Variants in HMG20A observed in about 807,000 individuals in gnomAD.
The protein encoded by HMG20A is high mobility group 20A.
In HMG20A, 17 loss-of-function variants were observed where a neutral mutation model predicts 43.9. The ratio of observed to expected loss-of-function variants is 0.39; its 90% CI spans 0.27 to 0.58. HMG20A has a LOEUF of 0.58. Ranked by LOEUF, HMG20A falls within the 20% of genes least tolerant of loss-of-function variation. The pLI is 0.59. For synonymous variants in HMG20A, 132 were observed against 147.5 expected (o/e 0.89, Z 0.76); for missense variants, 341 against 438.2 (o/e 0.78, Z 1.98).
the HMG20A span, among the ~76,000 whole-genome samples, chr15:77,493,840 G>T: frequency 6.6e-6 from 1 of 152,176 alleles, no homozygotes; most frequent in Non-Finnish European, 1.5e-5. Flanking sequence ...AGCAGACTGG[G>T]GCAGGGGAAT....
chr15:77,463,384 T>A (rs796629284), intron 2 of HMG20A, among the ~76,000 whole-genome samples: 38 of 152,332 alleles, frequency 2.5e-4, no homozygotes, highest in African/African-American at 8.7e-4. Context: ...CCTATAATAC[T>A]ATGGGTTGTG....
chr15:77,438,137 ATTTTTTTT>A (rs34192592), intron 1 of HMG20A, among the ~76,000 whole-genome samples: 4 of 113,456 alleles, frequency 3.5e-5, no homozygotes, highest in African/African-American at 1.4e-4. Context: ...TTTAGTTTTA[ATTTTTTTT>A]TTTTTTTTTT....
intron 1 of HMG20A, among the ~76,000 whole-genome samples, chr15:77,446,295 G>A (rs1048062480): frequency 1.3e-5 from 2 of 150,568 alleles, no homozygotes; most frequent in Non-Finnish European, 1.5e-5. Context: ...CTTTTTCCAC[G>A]TCCCCTACTA....
At chr15:77,426,748 G>A (rs183890151) in intron 1 of HMG20A, among the ~76,000 whole-genome samples, 3 of 152,108 alleles carry the variant, frequency 2.0e-5, no homozygotes, top group Non-Finnish European at 4.4e-5. Flanking sequence ...TAGACTTGAA[G>A]AATAGAGAAT....
At chr15:77,426,932 G>T (rs1260245878) in intron 1 of HMG20A, among the ~76,000 whole-genome samples, 1 of 152,126 alleles carries the variant, frequency 6.6e-6, no homozygotes, top group African/African-American at 2.4e-5. Context: ...ATGTAGCAGG[G>T]ATTTTGGTAA....
At chr15:77,494,974 G>A in the HMG20A span, among the ~76,000 whole-genome samples, 23 of 152,272 alleles carry the variant, frequency 1.5e-4, no homozygotes, top group East Asian at 3.9e-3. Flanking sequence ...ATGAGCTCCA[G>A]ACATTTAATG....
At chr15:77,449,185 C>T (rs558797014) in intron 1 of HMG20A, among the ~76,000 whole-genome samples, 446 of 152,224 alleles carry the variant, frequency 2.9e-3, no homozygotes, top group Non-Finnish European at 5.4e-3. Flanking sequence ...TCCTTATACC[C>T]TTCTCTTGAA....
downstream of HMG20A, among the ~76,000 whole-genome samples, chr15:77,488,720 CTT>C (rs2072957869): frequency 6.6e-6 from 1 of 152,164 alleles, no homozygotes; most frequent in African/African-American, 2.4e-5. Flanking sequence ...TCAAAGTTCA[CTT>C]TTGATTCATT....
At chr15:77,455,289 A>G (rs2072643949) in intron 1 of HMG20A, among the ~76,000 whole-genome samples, 1 of 147,728 alleles carries the variant, frequency 6.8e-6, no homozygotes, top group Non-Finnish European at 1.5e-5. Flanking sequence ...TGTTCTGATT[A>G]TGATCTGGCC....
At chr15:77,443,205 G>T (rs1482860385) in intron 1 of HMG20A, among the ~76,000 whole-genome samples, 1 of 150,782 alleles carries the variant, frequency 6.6e-6, no homozygotes, top group African/African-American at 2.4e-5. Flanking sequence ...GCTAATTTTT[G>T]TATTTTTAGT....
chr15:77,430,516 T>G (rs1203157546), intron 1 of HMG20A, among the ~76,000 whole-genome samples: 1 of 152,244 alleles, frequency 6.6e-6, no homozygotes, highest in Non-Finnish European at 1.5e-5. Context: ...GGGCTGATGT[T>G]CCATGCTTCT....
At chr15:77,448,581 G>A (rs1423908531) in intron 1 of HMG20A, among the ~76,000 whole-genome samples, 1 of 152,028 alleles carries the variant, frequency 6.6e-6, no homozygotes, top group Non-Finnish European at 1.5e-5. Context: ...TTCAAACTAT[G>A]TATCATTATT....
At chr15:77,474,959 G>A (rs1378275770) in intron 6 of HMG20A, among the ~76,000 whole-genome samples, 5 of 152,030 alleles carry the variant, frequency 3.3e-5, no homozygotes, top group Non-Finnish European at 7.4e-5. Context: ...CTCTCAAATC[G>A]AAAGCCAGCC....
intron 6 of HMG20A, among the ~76,000 whole-genome samples, chr15:77,472,055 G>T (rs926027198): frequency 6.6e-5 from 10 of 151,918 alleles, no homozygotes; most frequent in Non-Finnish European, 1.3e-4. Context: ...AATTTTATTG[G>T]CTTTAAATGC....
the HMG20A span, among the ~76,000 whole-genome samples, chr15:77,495,025 C>T: frequency 2.6e-4 from 39 of 152,300 alleles, no homozygotes; most frequent in Admixed American, 5.9e-4. Context: ...CCTTCAGCAT[C>T]GAATCTGAAA....
intron 1 of HMG20A, among the ~76,000 whole-genome samples, chr15:77,429,978 A>G (rs1288281154): frequency 6.6e-6 from 1 of 152,226 alleles, no homozygotes; most frequent in Non-Finnish European, 1.5e-5. Flanking sequence ...GCAACATTAT[A>G]GAAGCAACAA....
intron 3 of HMG20A, among the ~76,000 whole-genome samples, chr15:77,465,527 C>T (rs941356825): frequency 4.6e-5 from 7 of 151,668 alleles, no homozygotes; most frequent in African/African-American, 1.7e-4. Flanking sequence ...TCCCAAGTAT[C>T]TGGGATTACA....
chr15:77,481,233 CCTT>C (rs1225139303), intron 9 of HMG20A, among the ~76,000 whole-genome samples: 1 of 152,156 alleles, frequency 6.6e-6, no homozygotes, highest in East Asian at 1.9e-4. Context: ...GGATTACTAT[CCTT>C]CTAGGGAGTA....
chr15:77,470,823 A>T (rs1018825239), intron 4 of HMG20A, 87 bp from the exon 5 acceptor site: 62 of 1,171,036 alleles, frequency 5.3e-5, no homozygotes, highest in Non-Finnish European at 6.8e-5. Flanking sequence ...CCATGTTCTA[A>T]TTGTCCTGTT....
Sources: gnomAD v4.1 joint callset for allele counts (sites outside exome capture counted in the v4.1 genomes callset) on GRCh38, gnomAD v4.1.1 for gene constraint, MANE v1.5 for transcripts, NCBI Gene and HGNC (gene_info 2026-07-23, HGNC 2026-07-21) for gene names.